ADD3: variants seen among roughly 807,000 people sequenced by gnomAD.
ADD3 encodes adducin 3.
A neutral mutation model predicts 80.2 loss-of-function variants in ADD3; 25 were observed. The ratio of observed to expected loss-of-function variants is 0.31; its 90% CI spans 0.23 to 0.44. ADD3 has a LOEUF of 0.44. Among genes scored for constraint, ADD3 ranks in the 20% least tolerant of loss-of-function variants. The pLI, the probability that ADD3 is intolerant of heterozygous loss-of-function variation, is 1.00. For synonymous variants in ADD3, 284 were observed against 289.6 expected (o/e 0.98, Z 0.20); for missense variants, 829 against 847.5 (o/e 0.98, Z 0.27).
chr10:110,009,814 T>G (rs990419784), intron 1 of ADD3, among the ~76,000 whole-genome samples: 5 of 152,222 alleles, frequency 3.3e-5, no homozygotes, highest in Admixed American at 3.3e-4. Context: ...GTGTATCTAT[T>G]TTGAATGTTA....
chr10:110,044,766 G>A (rs2133333009), intron 1 of ADD3, among the ~76,000 whole-genome samples: 1 of 152,314 alleles, frequency 6.6e-6, no homozygotes, highest in East Asian at 1.9e-4. Flanking sequence ...AATTCAAAAT[G>A]AAGCTATGTG....
At chr10:109,998,208 C>A (rs914808158) in intron 1 of ADD3, among the ~76,000 whole-genome samples, 12 of 152,176 alleles carry the variant, frequency 7.9e-5, no homozygotes, top group African/African-American at 2.9e-4. Flanking sequence ...TCGCTTTTAT[C>A]TGTTATACTA....
At chr10:110,054,150 A>C (rs1485160021) in intron 1 of ADD3, among the ~76,000 whole-genome samples, 1 of 152,226 alleles carries the variant, frequency 6.6e-6, no homozygotes, top group Non-Finnish European at 1.5e-5. Flanking sequence ...ATATATGCTG[A>C]GAATGTGTGA....
At chr10:110,099,523 A>G (rs941901221) in intron 1 of ADD3, among the ~76,000 whole-genome samples, 2 of 152,212 alleles carry the variant, frequency 1.3e-5, no homozygotes, top group Non-Finnish European at 2.9e-5. Flanking sequence ...AATGAAGTAG[A>G]TTAAAATAGA....
At chr10:110,096,613 TG>T (rs1215653633) in intron 1 of ADD3, among the ~76,000 whole-genome samples, 5 of 152,180 alleles carry the variant, frequency 3.3e-5, no homozygotes, top group Admixed American at 6.6e-5. Flanking sequence ...GCTGGGAACC[TG>T]GCTTACTGGG....
chr10:110,022,128 G>T (rs1318093970), intron 1 of ADD3, among the ~76,000 whole-genome samples: 2 of 151,620 alleles, frequency 1.3e-5, no homozygotes, highest in South Asian at 2.1e-4. Context: ...TAACTCAGGG[G>T]TGAGTCTAAT....
At chr10:110,048,423 C>T (rs1357493654) in intron 1 of ADD3, among the ~76,000 whole-genome samples, 1 of 152,156 alleles carries the variant, frequency 6.6e-6, no homozygotes, top group South Asian at 2.1e-4. Flanking sequence ...AGGTTGGAAC[C>T]ATTTGGAGGG....
intron 1 of ADD3, among the ~76,000 whole-genome samples, chr10:110,019,842 G>T (rs1053741993): frequency 2.4e-4 from 36 of 152,302 alleles, no homozygotes; most frequent in African/African-American, 6.7e-4. Flanking sequence ...GCTAATAGAA[G>T]ATGAAGACCA....
At chr10:110,076,400 G>GT (rs1845381445) in intron 1 of ADD3, among the ~76,000 whole-genome samples, 1 of 152,106 alleles carries the variant, frequency 6.6e-6, no homozygotes, top group Non-Finnish European at 1.5e-5. Flanking sequence ...ATTTTTTAAA[G>GT]TATGGTATGC....
In ADD3 at chr10:110,119,324, A is replaced by G. The variant is rs1851172428; in HGVS notation, c.831A>G (p.Gln277=). 6.2e-7 allele frequency: 1 copy of G among 1,614,158 alleles called. No individual in the cohort carries two copies. The highest frequency in any genetic ancestry group is 8.5e-7 in the Non-Finnish European group (1 of 1,179,996). Residue 277 remains glutamine, a synonymous_variant, in exon 7 of 15, where the codon CAA becomes CAG. Transcript: ENST00000356080. Reference sequence around the variant, plus strand: ...TTGAAGAACAGGAGGAGAGAATTCAACTGCAGAAGGTTCTGGGACCAAGTT... The same window carrying G: ...TTGAAGAACAGGAGGAGAGAATTCAGCTGCAGAAGGTTCTGGGACCAAGTT... ...GSLEEQEERI[Q]LQKVLGPSCK... is the part of the protein sequence containing the mutation.
Position 110,130,539 on chromosome 10 carries a change from G to C in ADD3, c.1732+53G>C, listed in dbSNP as rs1323289486. The C allele has an allele frequency of 5.7e-6, 9 of 1,582,814 alleles. No individual in the cohort carries two copies. In the African/African-American group the frequency reaches 1.2e-4, roughly 21 times the overall value. On this transcript the variant is annotated intron_variant, in intron 13 of 14. Coordinates refer to ENST00000356080, the MANE Select transcript of ADD3 (RefSeq NM_016824.5). ...GGTAAGCCACACTGATAACAATAAA[G>C]TACCTCACGTTGGATGATAGAAAGC...
In ADD3 at chr10:110,118,715, C is replaced by A; in HGVS notation, c.696C>A (p.Ile232=). 2 of 1,614,018 alleles carry A rather than the reference C, an allele frequency of 1.2e-6. No individual in the cohort carries two copies. Among genetic ancestry groups the A allele is most frequent in the Non-Finnish European group, 1.7e-6 (2 of 1,179,912 alleles). Reference sequence around the variant, plus strand: ...CTGATGTTAAGTGTGTGATACACATCCATACCCTTGCAACAGCAGCTGTAA... The same window carrying A: ...CTGATGTTAAGTGTGTGATACACATACATACCCTTGCAACAGCAGCTGTAA... The part of the protein sequence containing the change: ...TRPDVKCVIH[I]HTLATAAVSS... The change falls in exon 6 of 15, where the codon ATC becomes ATA. Residue 232 remains isoleucine, a synonymous_variant. Coordinates refer to ENST00000356080, the MANE Select transcript of ADD3 (RefSeq NM_016824.5).
chr10:110,057,186 C>T (rs1270449414), intron 1 of ADD3, among the ~76,000 whole-genome samples: 1 of 152,172 alleles, frequency 6.6e-6, no homozygotes, highest in East Asian at 1.9e-4. Context: ...CCCGACTCTG[C>T]ACTTCTCTAA....
intron 4 of ADD3, 54 bp downstream of exon 4, chr10:110,116,464 C>CTA: frequency 1.3e-6 from 2 of 1,571,488 alleles, no homozygotes; most frequent in Non-Finnish European, 1.7e-6. Flanking sequence ...TAGAAGGCAA[C>CTA]TATACTCTTC....
rs893617849 is a variant in ADD3 at position 110,079,455 on chromosome 10, A to T, written c.-29-21170A>T. Among the ~76,000 whole-genome samples the T allele has an allele frequency of 7.8e-3, 973 of 125,296 alleles. 7 individuals carry two copies. The highest frequency in any genetic ancestry group is 0.032 in the East Asian group (136 of 4,246). The allele number at this position is 125,296 out of a possible 152,430, so 82.2% of individuals were successfully genotyped here. A position where few individuals can be genotyped will look rare whatever the true frequency, so the allele number is the denominator to read the frequency against. On this transcript the variant is annotated intron_variant, in intron 1 of 14. Coordinates refer to ENST00000356080, the MANE Select transcript of ADD3 (RefSeq NM_016824.5). ...GAGAGAGAGAGAGAGAGAGAGAGAG[A>T]GAGAGAGTGTGTGTGTGTGTGTGTG...
At chr10:110,098,742 G>T (rs1213729653) in intron 1 of ADD3, among the ~76,000 whole-genome samples, 5 of 151,734 alleles carry the variant, frequency 3.3e-5, no homozygotes, top group Admixed American at 6.6e-5. Flanking sequence ...CAATTTTCCT[G>T]CCTCAGCCTC....
chr10:110,105,514 C>T (rs895870268), intron 2 of ADD3, among the ~76,000 whole-genome samples: 5 of 152,196 alleles, frequency 3.3e-5, no homozygotes, highest in Non-Finnish European at 5.9e-5. Context: ...GTCCAACAGG[C>T]TCCTACTGAA....
In ADD3 at chr10:110,117,423, G is replaced by A; in HGVS notation, c.567+1G>A. 1.3e-6 allele frequency: 2 copies of A among 1,581,450 alleles called. No individual in the cohort carries two copies. Among genetic ancestry groups the A allele is most frequent in the East Asian group, 2.2e-5 (1 of 44,622 alleles). ...TTCTGAAGCTACAGCCTCCAATTTG[G>A]TATAATTTTCCATTCCTGTGTTGCT... On this transcript the variant is annotated splice_donor_variant, in intron 5 of 14. Transcript: ENST00000356080. LOFTEE classifies it high-confidence loss of function.
At chr10:110,037,562 G>T (rs949334178) in intron 1 of ADD3, among the ~76,000 whole-genome samples, 14 of 142,468 alleles carry the variant, frequency 9.8e-5, no homozygotes, top group African/African-American at 3.7e-4. Context: ...CCGAGATCTC[G>T]CCACTGCCCT....
Sources: allele counts gnomAD v4.1 joint callset (sites outside exome capture counted in the v4.1 genomes callset), GRCh38; gene constraint gnomAD v4.1.1; transcripts MANE v1.5; gene names NCBI Gene and HGNC (gene_info 2026-07-23, HGNC 2026-07-21).